The following EIF3A variants were observed in gnomAD, a reference collection of about 807,000 sequenced individuals.
EIF3A encodes eukaryotic translation initiation factor 3 subunit A.
A neutral mutation model predicts 186.6 loss-of-function variants in EIF3A; 21 were observed. That is an observed-to-expected ratio of 0.11 (90% CI 0.08 to 0.16). EIF3A has a LOEUF of 0.16. Ranked by LOEUF, EIF3A falls within the 10% of genes least tolerant of loss-of-function variation. The pLI is 1.00. For synonymous variants in EIF3A, 563 were observed against 584.3 expected (o/e 0.96, Z 0.52); for missense variants, 1,306 against 1,796.3 (o/e 0.73, Z 4.93).
intron 14 of EIF3A, among the ~76,000 whole-genome samples, chr10:119,053,104 C>T (rs943754537): frequency 1.3e-5 from 2 of 150,046 alleles, no homozygotes; most frequent in Admixed American, 1.3e-4. Flanking sequence ...ATTCTGAAAA[C>T]TTTTTTTTTT....
intron 1 of EIF3A, among the ~76,000 whole-genome samples, chr10:119,080,008 AC>A (rs1337784683): frequency 6.6e-6 from 1 of 152,190 alleles, no homozygotes; most frequent in African/African-American, 2.4e-5. Flanking sequence ...ACAAAACAAA[AC>A]AACAGGAATC....
rs563279573 is a variant in EIF3A, at chr10:119,066,040, C to T, written c.951-470G>A. Among the ~76,000 whole-genome samples the T allele has an allele frequency of 3.3e-5, 5 of 151,620 alleles. No homozygotes were observed. In the East Asian group the frequency reaches 7.8e-4, roughly 24 times the overall value. ...CTGAGGCAGGAGAATCGCATGAACC[C>T]GGGAGGCGGAGCTTGCAGTGAGCCA... On this transcript the variant is annotated intron_variant, in intron 6 of 21. Transcript: ENST00000369144.
rs1272821207 is a variant in EIF3A, at chr10:119,058,259, A to T, written c.1674T>A (p.Leu558=). Residue 558 remains leucine, a synonymous_variant, in exon 12 of 22, where the codon CTT becomes CTA. Transcript: ENST00000369144. ...GCTGGTGCTCTTTTCGTGAATTTTTAAGGTATGCAGTGACAGCCAACTGAT... is the reference window on the plus strand; with the variant it reads ...GCTGGTGCTCTTTTCGTGAATTTTTTAGGTATGCAGTGACAGCCAACTGAT... The part of the protein sequence containing the change: ...EQHQLAVTAY[L]KNSRKEHQRI... 1 of 1,609,370 alleles carries T rather than the reference A, an allele frequency of 6.2e-7. No homozygotes were observed. Among genetic ancestry groups the T allele is most frequent in the East Asian group, 2.2e-5 (1 of 44,794 alleles).
chr10:119,050,680 A>G lies in EIF3A; in HGVS notation c.2320-6T>C. 6.2e-7 allele frequency: 1 copy of G among 1,613,734 alleles called. No individual in the cohort carries two copies. Among genetic ancestry groups the G allele is most frequent in the Non-Finnish European group, 8.5e-7 (1 of 1,180,006 alleles). On this transcript the variant is annotated splice_polypyrimidine_tract_variant and splice_region_variant and intron_variant, in intron 15 of 21. Transcript: ENST00000369144. ...TCAAACTGTTTAAGTTTTTCCTGCA[A>G]TCGAAGTAACCCCCAACCCAAAAAG...
rs763586296 is a variant in EIF3A, at chr10:119,042,578, C to A, written c.2942G>T (p.Gly981Val). 1.9e-6 allele frequency: 3 copies of A among 1,614,114 alleles called. No individual in the cohort carries two copies. In the East Asian group the frequency reaches 6.7e-5, roughly 36 times the overall value. ...GPEEDRFSRR[G>V]ADDDRPSWRN... The stretch of plus-strand genomic sequence containing the variant: ...CCAGGAAGGCCGGTCATCGTCTGCC[C>A]CACGACGAGAGAACCTATCTTCCTC... The change falls in exon 19 of 22, where the codon GGG becomes GTG. Residue 981 changes from glycine (G) to valine (V), a missense_variant. By Grantham distance (109) the Gly-to-Val change is moderately radical. Around this residue, in one of 8 missense-constraint regions of EIF3A, gnomAD observed 410 missense variants for 473.5 expected, o/e 0.87. Coordinates refer to ENST00000369144, the MANE Select transcript of EIF3A (RefSeq NM_003750.4). This position sits in a 1 kb window ranked among gnomAD's most constrained non-coding sequence, Gnocchi z 7.8.
At chr10:119,048,562 A>C (rs1011650850) in intron 17 of EIF3A, among the ~76,000 whole-genome samples, 18 of 152,214 alleles carry the variant, frequency 1.2e-4, no homozygotes, top group African/African-American at 4.3e-4. Context: ...TGGACCTCAA[A>C]GTCTGCGTTT....
chr10:119,053,822 C>T (rs886544969), intron 14 of EIF3A, among the ~76,000 whole-genome samples: 1 of 152,236 alleles, frequency 6.6e-6, no homozygotes, highest in Non-Finnish European at 1.5e-5. Flanking sequence ...TCAGCACTTG[C>T]TGCTTCACAT....
Position 119,051,141 on chromosome 10 carries a change from C to T in EIF3A, c.2319+58G>A, listed in dbSNP as rs1379460085. On this transcript the variant is annotated intron_variant, in intron 15 of 21. Transcript: ENST00000369144. ...TATACCAATTTGTTAAGGGAGAACC[C>T]TTAGGCCAATACTAGAAAGCTCATG... 4 of 1,506,138 alleles carry T rather than the reference C, an allele frequency of 2.7e-6. No homozygotes were observed. In the East Asian group the frequency reaches 9.3e-5, roughly 35 times the overall value. 93.3% of individuals were successfully genotyped at this position (1,506,138 alleles called of 1,614,324 possible). A position where few individuals can be genotyped will look rare whatever the true frequency, so the allele number is the denominator to read the frequency against.
rs747924537 is a variant in EIF3A, at chr10:119,042,456, GTCC to G, written c.3061_3063del (p.Gly1021del). 2 of 1,614,046 alleles carry G rather than the reference GTCC, an allele frequency of 1.2e-6. No homozygotes were observed. The highest frequency in any genetic ancestry group is 2.7e-5 in the African/African-American group (2 of 74,984). Reference sequence around the variant, plus strand: ...CGCCAGCTTCCTCTGTCCTCATCCAGTCCTCGTCTAGGTGGTCTGTCATCATCC... The same window carrying G: ...CGCCAGCTTCCTCTGTCCTCATCCAGTCGTCTAGGTGGTCTGTCATCATCC... On this transcript the variant is annotated inframe_deletion, in exon 19 of 22. Transcript: ENST00000369144. This position sits in a 1 kb window ranked among gnomAD's most constrained non-coding sequence, Gnocchi z 7.8.
At position 119,042,392 on chromosome 10, in the gene EIF3A, T is replaced by A. The variant is rs1848221747; in HGVS notation, c.3128A>T (p.Asp1043Val). ...DEDRGPRRGM[D>V]DDRGPRRGGA... is the part of the protein sequence containing the mutation. ...TCCTCGCCTCGGCCCCCGGTCATCATCCATCCCACGTCTTGGTCCTCTGTC... is the reference window on the plus strand; with the variant it reads ...TCCTCGCCTCGGCCCCCGGTCATCAACCATCCCACGTCTTGGTCCTCTGTC... Residue 1043 changes from aspartate (D) to valine (V), a missense_variant, in exon 19 of 22, where the codon GAT becomes GTT. Asp to Val is a radical substitution (Grantham distance 152). Transcript: ENST00000369144. The surrounding 1 kb of genome is among the most constrained non-coding windows in gnomAD (Gnocchi z 7.8). 1 of 1,614,010 alleles carries A rather than the reference T, an allele frequency of 6.2e-7. No individual in the cohort carries two copies. Among genetic ancestry groups the A allele is most frequent in the Non-Finnish European group, 8.5e-7 (1 of 1,180,044 alleles).
intron 6 of EIF3A, among the ~76,000 whole-genome samples, chr10:119,069,058 G>C (rs546950169): frequency 1.1e-4 from 17 of 152,072 alleles, no homozygotes; most frequent in African/African-American, 4.1e-4. Context: ...CCTCTATGTG[G>C]ATAGAAAGCT....
intron 1 of EIF3A, among the ~76,000 whole-genome samples, chr10:119,076,790 G>A (rs1045490945): frequency 6.6e-6 from 1 of 151,982 alleles, no homozygotes; most frequent in East Asian, 1.9e-4. Flanking sequence ...ACAAAAATTA[G>A]CCAGGCATGG....
intron 7 of EIF3A, among the ~76,000 whole-genome samples, chr10:119,062,465 A>G (rs1843903889): frequency 1.3e-5 from 2 of 152,220 alleles, no homozygotes; most frequent in South Asian, 2.1e-4. Flanking sequence ...CCTTGGATAT[A>G]TGGTCAACTC....
At chr10:119,057,728 T>C (rs1843811777) in intron 12 of EIF3A, among the ~76,000 whole-genome samples, 1 of 152,052 alleles carries the variant, frequency 6.6e-6, no homozygotes, top group Non-Finnish European at 1.5e-5. Context: ...TGAGCTGAGA[T>C]CACGTCACTG....
At chr10:119,041,832 C>A (rs1000218771) in intron 19 of EIF3A, among the ~76,000 whole-genome samples, 162 bp downstream of exon 19, 3 of 152,148 alleles carry the variant, frequency 2.0e-5, no homozygotes, top group African/African-American at 7.2e-5. Flanking sequence ...TGGTGGTATT[C>A]TGAAGGCAAA....
At chr10:119,052,396 G>GTGTGTC (rs1391760734) in intron 14 of EIF3A, among the ~76,000 whole-genome samples, 1 of 150,218 alleles carries the variant, frequency 6.7e-6, no homozygotes, top group Non-Finnish European at 1.5e-5. Context: ...GTGTGTGTGT[G>GTGTGTC]TGTTTTAAGA....
intron 17 of EIF3A, among the ~76,000 whole-genome samples, chr10:119,045,276 G>A (rs1488326816): frequency 6.6e-6 from 1 of 151,994 alleles, no homozygotes; most frequent in East Asian, 1.9e-4. Context: ...AAATGTCTTG[G>A]CAATGAAACT....
At position 119,057,014 on chromosome 10, in the gene EIF3A, A is replaced by G; in HGVS notation, c.2004T>C (p.Phe668=). ...GTTGTTCAACCTGTTTAGCCATGAT[A>G]AAATCTGGATCCAATTCCTCAAGGT... The part of the protein sequence containing the change: ...IEDLEELDPD[F]IMAKQVEQLE... The change falls in exon 13 of 22, where the codon TTT becomes TTC. Residue 668 remains phenylalanine (F), a synonymous_variant. Coordinates refer to ENST00000369144, the MANE Select transcript of EIF3A (RefSeq NM_003750.4). The G allele has an allele frequency of 6.2e-7, 1 of 1,611,004 alleles. No individual in the cohort carries two copies. The highest frequency in any genetic ancestry group is 8.5e-7 in the Non-Finnish European group (1 of 1,179,062).
chr10:119,058,903 C>A (rs772047837), intron 11 of EIF3A, among the ~76,000 whole-genome samples: 12 of 151,138 alleles, frequency 7.9e-5, no homozygotes, highest in Non-Finnish European at 2.9e-5. Flanking sequence ...AAAGAAATAA[C>A]TTAAGCAGGA....
Sources: gnomAD v4.1 joint callset for allele counts (sites outside exome capture counted in the v4.1 genomes callset) on GRCh38, gnomAD v4.1.1 for gene constraint, gnomAD v4.1.1 regional missense constraint, Gnocchi (gnomAD v3.1) non-coding constraint, MANE v1.5 for transcripts, NCBI Gene and HGNC (gene_info 2026-07-23, HGNC 2026-07-21) for gene names.